PRODH2: variants seen among roughly 807,000 people sequenced by gnomAD.
PRODH2 encodes the protein proline dehydrogenase 2.
Under a neutral mutation model 51.9 loss-of-function variants are expected in PRODH2, and 49 were observed. The observed-to-expected ratio is 0.94, with a 90% CI of 0.75 to 1.20. PRODH2 has a LOEUF of 1.20. PRODH2 is among the 50% of genes most tolerant of loss of function. PRODH2 has a pLI of 0.00. For missense variants in PRODH2, 597 were observed against 610.9 expected, an observed-to-expected ratio of 0.98 and a Z score of 0.24; for synonymous variants, 249 against 260.7, an observed-to-expected ratio of 0.96 and a Z score of 0.43.
chr19:35,803,020 G>A lies in PRODH2; in HGVS notation c.1060C>T (p.His354Tyr), dbSNP rs1176376087. Residue 354 changes from histidine (H) to tyrosine (Y), a missense_variant, in exon 8 of 10, where the codon CAC (histidine) becomes TAC (tyrosine). His to Tyr is a moderately conservative substitution (Grantham distance 83). Coordinates refer to ENST00000653904, the MANE Select transcript of PRODH2 (RefSeq NM_021232.2). ...THVARHGPMC[H>Y]LMVASHNEES... ...TCATTGTGGGAAGCCACCATGAGGT[G>A]GCACATGGGGCCATGGCGGGCCACG... 3 of 1,576,796 alleles carry A rather than the reference G, an allele frequency of 1.9e-6. No homozygotes were observed. The highest frequency in any genetic ancestry group is 2.6e-6 in the Non-Finnish European group (3 of 1,158,068).
At chr19:35,800,249 T>C (rs1198689650) in intron 9 of PRODH2, 27 bp from the exon 10 acceptor site, 1 of 1,515,110 alleles carries the variant, frequency 6.6e-7, no homozygotes. Flanking sequence ...TTTTGTTTTT[T>C]CGTTTTTGGT....
intron 4 of PRODH2, among the ~76,000 whole-genome samples, chr19:35,810,779 C>T (rs1972596076): frequency 6.6e-6 from 1 of 152,152 alleles, no homozygotes; most frequent in African/African-American, 2.4e-5. Context: ...CCTCAGCCTC[C>T]CAAAGTGCTG....
chr19:35,802,160 C>A, intron 9 of PRODH2, 31 bp downstream of exon 9: 1 of 1,603,036 alleles, frequency 6.2e-7, no homozygotes, highest in Non-Finnish European at 8.5e-7. Context: ...AGGCCTGGGG[C>A]TTGATGGGGG....
chr19:35,806,151 T>A (rs1972507903), intron 7 of PRODH2, among the ~76,000 whole-genome samples: 1 of 152,092 alleles, frequency 6.6e-6, no homozygotes, highest in African/African-American at 2.4e-5. Flanking sequence ...AGTGGTGCAG[T>A]CATGGCTCAC....
At chr19:35,802,799 C>T (rs1335673606) in intron 8 of PRODH2, among the ~76,000 whole-genome samples, 169 bp downstream of exon 8, 2 of 151,766 alleles carry the variant, frequency 1.3e-5, no homozygotes. Context: ...CCTCCACCTT[C>T]GCCTCCCAAA....
In PRODH2 at chr19:35,812,623, A is replaced by T. The variant is rs1334632952; in HGVS notation, c.174+9T>A. Reference sequence around the variant, plus strand: ...AGCCTCCAGGCTGGTCCTCAGGATCACTGCTCACCAACAGCCCGTGAGTGA... The same window carrying T: ...AGCCTCCAGGCTGGTCCTCAGGATCTCTGCTCACCAACAGCCCGTGAGTGA... On this transcript the variant is annotated intron_variant, in intron 1 of 9. Coordinates refer to ENST00000653904, the MANE Select transcript of PRODH2 (RefSeq NM_021232.2). 1 of 1,593,526 alleles carries T rather than the reference A, an allele frequency of 6.3e-7. No homozygotes were observed. Among genetic ancestry groups the T allele is most frequent in the East Asian group, 2.2e-5 (1 of 44,602 alleles).
rs916342913 is a variant in PRODH2 at position 35,801,444 on chromosome 19, T to C, written c.1198+747A>G. 3.3e-5 allele frequency among the ~76,000 whole-genome samples: 5 copies of C among 152,092 alleles called. No individual in the cohort carries two copies. The South Asian group carries it at 6.2e-4, about 19-fold the overall frequency. On this transcript the variant is annotated intron_variant, in intron 9 of 9. Coordinates refer to ENST00000653904, the MANE Select transcript of PRODH2 (RefSeq NM_021232.2). ...TGGCACCACTGGACTCCTGCCTGGGTAACAGAGCAAGACTCTGTCTCAAAA... is the reference window on the plus strand; with the variant it reads ...TGGCACCACTGGACTCCTGCCTGGGCAACAGAGCAAGACTCTGTCTCAAAA...
chr19:35,802,361 C>A, intron 8 of PRODH2, 85 bp from the exon 9 acceptor site: 1 of 1,151,982 alleles, frequency 8.7e-7, no homozygotes. Flanking sequence ...ATGGCGGCTC[C>A]AGTAATTCAA....
At chr19:35,810,984 T>C (rs1972599840) in intron 4 of PRODH2, among the ~76,000 whole-genome samples, 4 of 152,150 alleles carry the variant, frequency 2.6e-5, no homozygotes, top group South Asian at 2.1e-4. Flanking sequence ...ATTATTCATA[T>C]CCTGAAGCAT....
chr19:35,810,287 T>TAATA lies in PRODH2; in HGVS notation c.597+1671_597+1674dup, dbSNP rs1366888150. Among the ~76,000 whole-genome samples the TAATA allele has an allele frequency of 1.5e-4, 22 of 144,042 alleles. 1 individual carries two copies. The South Asian group carries it at 3.4e-3, about 22-fold the overall frequency. 94.5% of individuals were successfully genotyped at this position (144,042 alleles called of 152,430 possible). On this transcript the variant is annotated intron_variant, in intron 4 of 9. Transcript: ENST00000653904. The stretch of plus-strand genomic sequence containing the variant: ...ATAATAATAATAATAATAATAATAA[T>TAATA]AATAAATAAATAGATAAACAAATAA...
chr19:35,800,517 G>A (rs1010764715), intron 9 of PRODH2, among the ~76,000 whole-genome samples: 8 of 152,180 alleles, frequency 5.3e-5, no homozygotes, highest in African/African-American at 1.9e-4. Flanking sequence ...CCAAAGTGCT[G>A]GGATTACAGG....
At chr19:35,802,873 G>A in intron 8 of PRODH2, 95 bp downstream of exon 8, 1 of 876,112 alleles carries the variant, frequency 1.1e-6, no homozygotes, top group Non-Finnish European at 1.7e-6. Context: ...ATTCTCCCCA[G>A]AACACCTCTG....
At chr19:35,802,406 T>G in intron 8 of PRODH2, 130 bp from the exon 9 acceptor site, 1 of 810,778 alleles carries the variant, frequency 1.2e-6, no homozygotes, top group Non-Finnish European at 2.1e-6. Flanking sequence ...TGATACATAA[T>G]AACCAGTCCT....
intron 4 of PRODH2, among the ~76,000 whole-genome samples, chr19:35,808,228 TCA>T (rs1308812295): frequency 1.3e-5 from 2 of 152,320 alleles, no homozygotes; most frequent in South Asian, 2.1e-4. Context: ...CGTTTCTAAC[TCA>T]CAGTCTTATG....
chr19:35,804,460 A>G (rs1972479338), intron 7 of PRODH2, among the ~76,000 whole-genome samples: 1 of 152,244 alleles, frequency 6.6e-6, no homozygotes, highest in African/African-American at 2.4e-5. Flanking sequence ...TAATTCCCAC[A>G]TCAACTCTGG....
intron 7 of PRODH2, among the ~76,000 whole-genome samples, chr19:35,804,363 C>T (rs1439284949): frequency 6.6e-6 from 1 of 152,204 alleles, no homozygotes; most frequent in African/African-American, 2.4e-5. Flanking sequence ...CCTGACACTT[C>T]TATAAACAGC....
At chr19:35,810,722 T>C (rs1043921766) in intron 4 of PRODH2, among the ~76,000 whole-genome samples, 2 of 152,128 alleles carry the variant, frequency 1.3e-5, no homozygotes, top group African/African-American at 2.4e-5. Context: ...AGTTTTACCA[T>C]GTTGGCCAGG....
chr19:35,810,139 G>A (rs929062853), intron 4 of PRODH2, among the ~76,000 whole-genome samples: 2 of 148,288 alleles, frequency 1.3e-5, no homozygotes, highest in Non-Finnish European at 3.0e-5. Context: ...GTAATGGCAG[G>A]CGCTTGTAAT....
chr19:35,811,994 CG>C lies in PRODH2; in HGVS notation c.564del (p.Glu189ArgfsTer56), dbSNP rs770601771. On this transcript the variant is annotated frameshift_variant, in exon 4 of 10. Transcript: ENST00000653904. LOFTEE classifies it high-confidence loss of function. Reference sequence around the variant, plus strand: ...GAGTCCATAGCTTCAGCCAGCCTCTCGGGGCTCAGCTCCAAGGAGGCTCCTG... The same window carrying C: ...GAGTCCATAGCTTCAGCCAGCCTCTCGGGCTCAGCTCCAAGGAGGCTCCTG... ...RRPGASLELS[P>X]ERLAEAMDSG... 4 of 1,614,174 alleles carry C rather than the reference CG, an allele frequency of 2.5e-6. No individual in the cohort carries two copies. The highest frequency in any genetic ancestry group is 3.4e-6 in the Non-Finnish European group (4 of 1,180,004).
Sources: gnomAD v4.1 joint callset for allele counts (sites outside exome capture counted in the v4.1 genomes callset) on GRCh38, gnomAD v4.1.1 for gene constraint, MANE v1.5 for transcripts, NCBI Gene and HGNC (gene_info 2026-07-23, HGNC 2026-07-21) for gene names.